MBOAT2: variants seen among roughly 807,000 people sequenced by gnomAD.
MBOAT2 encodes the protein membrane bound glycerophospholipid O-acyltransferase 2.
A neutral mutation model predicts 63.4 loss-of-function variants in MBOAT2; 28 were observed. The ratio of observed to expected loss-of-function variants is 0.44; its 90% CI spans 0.33 to 0.61. MBOAT2 has a LOEUF of 0.61. Ranked by LOEUF, MBOAT2 falls within the 20% of genes least tolerant of loss-of-function variation. The pLI is 0.03. For synonymous variants in MBOAT2, 211 were observed against 215.6 expected (o/e 0.98, Z 0.19); for missense variants, 470 against 605.8 (o/e 0.78, Z 2.35).
At chr2:8,918,918 T>C (rs1666379024) in intron 3 of MBOAT2, among the ~76,000 whole-genome samples, 1 of 152,168 alleles carries the variant, frequency 6.6e-6, no homozygotes, top group African/African-American at 2.4e-5. Context: ...TAATCCCTAA[T>C]TGTACCCTCA....
chr2:8,956,418 T>C (rs1017090394), intron 2 of MBOAT2, among the ~76,000 whole-genome samples: 4 of 152,210 alleles, frequency 2.6e-5, no homozygotes, highest in Non-Finnish European at 5.9e-5. Flanking sequence ...ATAAAAATCC[T>C]GGCTGGGCAC....
chr2:8,893,456 C>T (rs1446084064), intron 4 of MBOAT2, among the ~76,000 whole-genome samples: 1 of 152,150 alleles, frequency 6.6e-6, no homozygotes, highest in Non-Finnish European at 1.5e-5. Context: ...AAAACGGTTA[C>T]CTATAAAACA....
chr2:8,943,277 A>AGC lies in MBOAT2; in HGVS notation c.222-14_222-13insGC. 1 of 1,520,546 alleles carries AGC rather than the reference A, an allele frequency of 6.6e-7. No individual in the cohort carries two copies. The highest frequency in any genetic ancestry group is 2.3e-5 in the East Asian group (1 of 43,678). The allele number at this position is 1,520,546 out of a possible 1,614,324, so 94.2% of individuals were successfully genotyped here. A position where few individuals can be genotyped will look rare whatever the true frequency, so the allele number is the denominator to read the frequency against. The stretch of plus-strand genomic sequence containing the variant: ...GTGTAAGGCATACCTATAAAAAGTA[A>AGC]GAGCACTATTAGAAGAGGGATGCCA... On this transcript the variant is annotated splice_polypyrimidine_tract_variant and intron_variant, in intron 2 of 12. Coordinates refer to ENST00000305997, the MANE Select transcript of MBOAT2 (RefSeq NM_138799.4).
At chr2:8,936,365 A>C (rs1573098493) in intron 3 of MBOAT2, among the ~76,000 whole-genome samples, 1 of 152,252 alleles carries the variant, frequency 6.6e-6, no homozygotes, top group East Asian at 1.9e-4. Context: ...TGGGCAGCTG[A>C]ACCTTATGAT....
At chr2:8,909,136 T>A (rs983431980) in intron 3 of MBOAT2, among the ~76,000 whole-genome samples, 3 of 152,240 alleles carry the variant, frequency 2.0e-5, no homozygotes, top group African/African-American at 2.4e-5. Context: ...TCTAAAAGCA[T>A]ACCTTCTAAG....
intron 3 of MBOAT2, among the ~76,000 whole-genome samples, chr2:8,915,362 T>C (rs1055560356): frequency 2.6e-5 from 4 of 152,192 alleles, no homozygotes; most frequent in Non-Finnish European, 5.9e-5. Flanking sequence ...CCATTCTCTC[T>C]ACCTAGAATA....
intron 4 of MBOAT2, among the ~76,000 whole-genome samples, chr2:8,896,333 G>C (rs1252982154): frequency 6.6e-6 from 1 of 151,344 alleles, no homozygotes; most frequent in African/African-American, 2.4e-5. Context: ...TAATATCCCT[G>C]ACTGGTTAGT....
rs533481707 is a variant in MBOAT2 at position 8,929,470 on chromosome 2, GC to G, written c.299+13716del. On this transcript the variant is annotated intron_variant, in intron 3 of 12. Coordinates refer to ENST00000305997, the MANE Select transcript of MBOAT2 (RefSeq NM_138799.4). ...AGGCTCAAGCAATTCTCCGGCCTCA[GC>G]CCCCCAAGTAGCTGGGACTGCAGGC... Among the ~76,000 whole-genome samples, 51 of 152,252 alleles carry G rather than the reference GC, an allele frequency of 3.3e-4. No individual in the cohort carries two copies. The East Asian group carries it at 8.7e-3, about 26-fold the overall frequency.
At chr2:8,881,761 A>G (rs1663155967) in intron 6 of MBOAT2, among the ~76,000 whole-genome samples, 1 of 152,196 alleles carries the variant, frequency 6.6e-6, no homozygotes, top group Non-Finnish European at 1.5e-5. Flanking sequence ...AAAATACAAA[A>G]AGACCCCCAA....
At chr2:8,909,155 G>T (rs539473191) in intron 3 of MBOAT2, among the ~76,000 whole-genome samples, 1 of 152,076 alleles carries the variant, frequency 6.6e-6, no homozygotes, top group Admixed American at 6.6e-5. Context: ...AGTATGAGTC[G>T]GGTGGCATTT....
chr2:8,913,688 T>C (rs1665948852), intron 3 of MBOAT2, among the ~76,000 whole-genome samples: 2 of 152,172 alleles, frequency 1.3e-5, no homozygotes, highest in African/African-American at 4.8e-5. Context: ...CTGGTGTGGA[T>C]GCAGTGCTCA....
At chr2:8,877,893 G>C (rs377231465) in intron 6 of MBOAT2, among the ~76,000 whole-genome samples, 108 of 152,338 alleles carry the variant, frequency 7.1e-4, no homozygotes, top group African/African-American at 2.4e-3. Context: ...GAGTGGACCC[G>C]GGGGAAGAGG....
At position 8,970,236 on chromosome 2, in the gene MBOAT2, A is replaced by G. The variant is rs190496230; in HGVS notation, c.76-11594T>C. ...GAAACTCACTCAAAACCACTAAACT[A>G]CATGGAAACTGAACAACCTGCTCCT... On this transcript the variant is annotated intron_variant, in intron 1 of 12. Coordinates refer to ENST00000305997, the MANE Select transcript of MBOAT2 (RefSeq NM_138799.4). Among the ~76,000 whole-genome samples, 759 of 152,332 alleles carry G rather than the reference A, an allele frequency of 5.0e-3. 9 individuals are homozygous for G. Among genetic ancestry groups the G allele is most frequent in the South Asian group, 0.02 (97 of 4,826 alleles).
chr2:8,989,227 C>A (rs1358599809), intron 1 of MBOAT2, among the ~76,000 whole-genome samples: 1 of 152,188 alleles, frequency 6.6e-6, no homozygotes, highest in African/African-American at 2.4e-5. Flanking sequence ...CAGCACACCA[C>A]CTGTGTCCTT....
At chr2:8,883,108 A>AC (rs1215858963) in intron 5 of MBOAT2, among the ~76,000 whole-genome samples, 1 of 152,182 alleles carries the variant, frequency 6.6e-6, no homozygotes, top group Admixed American at 6.5e-5. Context: ...ATGCTTTAAA[A>AC]ATATATACCT....
intron 1 of MBOAT2, among the ~76,000 whole-genome samples, chr2:9,000,792 C>A (rs998327887): frequency 3.9e-5 from 6 of 152,180 alleles, no homozygotes; most frequent in Non-Finnish European, 5.9e-5. Context: ...TTACGCTACA[C>A]TGAATTTATA....
chr2:8,940,664 C>T (rs1490125037), intron 3 of MBOAT2, among the ~76,000 whole-genome samples: 1 of 151,482 alleles, frequency 6.6e-6, no homozygotes, highest in Non-Finnish European at 1.5e-5. Context: ...AAGGGAATTA[C>T]AAAAATAAAG....
intron 7 of MBOAT2, among the ~76,000 whole-genome samples, chr2:8,874,721 A>G (rs1662579872): frequency 1.3e-5 from 2 of 152,194 alleles, no homozygotes. Flanking sequence ...AGAGCCCCAG[A>G]GAAATAGCCT....
chr2:8,925,309 G>C (rs1019196137), intron 3 of MBOAT2, among the ~76,000 whole-genome samples: 1 of 152,022 alleles, frequency 6.6e-6, no homozygotes, highest in Admixed American at 6.6e-5. Context: ...TCTTCTATTC[G>C]ACTTTGGGAG....
Sources: allele counts gnomAD v4.1 joint callset (sites outside exome capture counted in the v4.1 genomes callset), GRCh38; gene constraint gnomAD v4.1.1; transcripts MANE v1.5; gene names NCBI Gene and HGNC (gene_info 2026-07-23, HGNC 2026-07-21).